The following PARM1 variants were observed in gnomAD, a reference collection of about 807,000 sequenced individuals.
PARM1 encodes the protein WSC4, cell wall integrity and stress response component 4 homolog.
Under a neutral mutation model 24.6 loss-of-function variants are expected in PARM1, and 14 were observed. The ratio of observed to expected loss-of-function variants is 0.57; its 90% CI spans 0.38 to 0.89. PARM1 has a LOEUF of 0.89. Ranked by LOEUF, PARM1 falls within the 40% of genes least tolerant of loss-of-function variation. The pLI, the probability that PARM1 is intolerant of heterozygous loss-of-function variation, is 0.00. For missense variants in PARM1, 362 were observed against 380.4 expected, an observed-to-expected ratio of 0.95 and a Z score of 0.40; for synonymous variants, 179 against 156.6, an observed-to-expected ratio of 1.14 and a Z score of -1.07.
chr4:74,946,764 T>G (rs767646411), intron 1 of PARM1, among the ~76,000 whole-genome samples: 16 of 152,156 alleles, frequency 1.1e-4, no homozygotes, highest in Non-Finnish European at 1.9e-4. Flanking sequence ...TGAAACACAT[T>G]AAATACGTTT....
chr4:75,033,964 G>A lies in PARM1; in HGVS notation c.848+3G>A, dbSNP rs1440358228. The A allele has an allele frequency of 1.3e-6, 2 of 1,593,556 alleles. No homozygotes were observed. The highest frequency in any genetic ancestry group is 1.1e-5 in the South Asian group (1 of 87,386). ...GTTGCAGCCTACCTAAAAATCAGGT[G>A]AGACGCAGCTTACTCTTAAAAAAAA... On this transcript the variant is annotated splice_donor_region_variant and intron_variant, in intron 3 of 3. Transcript: ENST00000307428.
intron 1 of PARM1, among the ~76,000 whole-genome samples, chr4:74,996,118 C>G (rs1401879672): frequency 6.6e-6 from 1 of 152,152 alleles, no homozygotes; most frequent in Non-Finnish European, 1.5e-5. Context: ...TGAGAGGTCA[C>G]TTCCCTTTGA....
At chr4:75,024,145 GC>G (rs1723137612) in intron 2 of PARM1, among the ~76,000 whole-genome samples, 1 of 151,980 alleles carries the variant, frequency 6.6e-6, no homozygotes, top group African/African-American at 2.4e-5. Flanking sequence ...GGTAGCGGGC[GC>G]CTGTAGTCCC....
chr4:74,962,209 A>G (rs867886320), intron 1 of PARM1, among the ~76,000 whole-genome samples: 1 of 152,176 alleles, frequency 6.6e-6, no homozygotes, highest in Non-Finnish European at 1.5e-5. Flanking sequence ...ATGTTATTGA[A>G]GTTAAGATGT....
At chr4:74,968,950 A>G (rs1427217960) in intron 1 of PARM1, among the ~76,000 whole-genome samples, 1 of 152,226 alleles carries the variant, frequency 6.6e-6, no homozygotes, top group African/African-American at 2.4e-5. Context: ...TTTGAAAGAC[A>G]GGCTTTGAAA....
At chr4:74,990,767 G>A (rs944040611) in intron 1 of PARM1, among the ~76,000 whole-genome samples, 5 of 152,080 alleles carry the variant, frequency 3.3e-5, no homozygotes, top group Non-Finnish European at 7.4e-5. Context: ...TTTCACTTGA[G>A]TTCACCTTTA....
At chr4:74,971,327 G>A (rs951143240) in intron 1 of PARM1, among the ~76,000 whole-genome samples, 3 of 152,104 alleles carry the variant, frequency 2.0e-5, no homozygotes, top group African/African-American at 4.8e-5. Context: ...AGAACAGCAC[G>A]GGAAAAACCT....
chr4:74,935,717 A>C (rs778514519), intron 1 of PARM1, among the ~76,000 whole-genome samples: 13 of 152,162 alleles, frequency 8.5e-5, no homozygotes, highest in Non-Finnish European at 1.8e-4. Flanking sequence ...TGGCTCAACA[A>C]ATCCTCTCAA....
At chr4:74,999,898 A>G (rs902737010) in intron 1 of PARM1, among the ~76,000 whole-genome samples, 1 of 152,084 alleles carries the variant, frequency 6.6e-6, no homozygotes, top group South Asian at 2.1e-4. Context: ...ACTGCCCCAG[A>G]AGTTTCTGGA....
At chr4:74,939,144 A>T (rs1169833141) in intron 1 of PARM1, among the ~76,000 whole-genome samples, 4 of 152,142 alleles carry the variant, frequency 2.6e-5, no homozygotes, top group Non-Finnish European at 5.9e-5. Flanking sequence ...TTGGCCTTTC[A>T]TCTGCAGTTC....
intron 1 of PARM1, among the ~76,000 whole-genome samples, chr4:75,002,540 G>A (rs1722701636): frequency 6.6e-6 from 1 of 152,112 alleles, no homozygotes; most frequent in Non-Finnish European, 1.5e-5. Flanking sequence ...GCCAGTGTGT[G>A]TGACCTGCAG....
intron 1 of PARM1, among the ~76,000 whole-genome samples, chr4:74,989,568 C>T (rs1020916046): frequency 2.6e-5 from 4 of 152,180 alleles, no homozygotes; most frequent in African/African-American, 9.7e-5. Context: ...GGTCCTCAAA[C>T]CTGTTCCTTT....
At chr4:74,947,659 T>A (rs1560772324) in intron 1 of PARM1, among the ~76,000 whole-genome samples, 1 of 152,324 alleles carries the variant, frequency 6.6e-6, no homozygotes, top group East Asian at 1.9e-4. Flanking sequence ...ATAGAAGAAA[T>A]GCTATGATGC....
chr4:74,949,105 T>C (rs528248116), intron 1 of PARM1, among the ~76,000 whole-genome samples: 1 of 152,260 alleles, frequency 6.6e-6, no homozygotes, highest in East Asian at 1.9e-4. Flanking sequence ...CAATCATCAT[T>C]ACCTGAACAT....
At position 75,012,902 on chromosome 4, in the gene PARM1, C is replaced by T. The variant is rs1225743312; in HGVS notation, c.521C>T (p.Thr174Ile). 1.9e-6 allele frequency: 3 copies of T among 1,614,008 alleles called. No homozygotes were observed. Among genetic ancestry groups the T allele is most frequent in the Non-Finnish European group, 2.5e-6 (3 of 1,179,896 alleles). ...CCTGAGGTCTTTTCTGCCTCCGTTA[C>T]TACCAACCATAGCTCCACTGTGACC... is the stretch of plus-strand genomic sequence containing the variant. ...SPPEVFSASV[T>I]TNHSSTVTST... Residue 174 changes from threonine to isoleucine, a missense_variant, in exon 2 of 4, where the codon ACT (threonine) becomes ATT (isoleucine). Coordinates refer to ENST00000307428, the MANE Select transcript of PARM1 (RefSeq NM_015393.4).
chr4:74,992,045 G>T (rs951397166), intron 1 of PARM1, among the ~76,000 whole-genome samples: 2 of 152,084 alleles, frequency 1.3e-5, no homozygotes, highest in Non-Finnish European at 2.9e-5. Context: ...TATTACAAAG[G>T]ATACAGATGA....
intron 2 of PARM1, among the ~76,000 whole-genome samples, chr4:75,027,528 T>C (rs949342023): frequency 3.3e-5 from 5 of 152,054 alleles, no homozygotes; most frequent in African/African-American, 9.7e-5. Flanking sequence ...CTTTTCTCAC[T>C]TTCTCTCCAT....
At chr4:75,024,903 C>T (rs1031663896) in intron 2 of PARM1, among the ~76,000 whole-genome samples, 3 of 152,170 alleles carry the variant, frequency 2.0e-5, no homozygotes, top group African/African-American at 7.2e-5. Context: ...CCATGTTGGC[C>T]AGGTTGGTCT....
intron 1 of PARM1, among the ~76,000 whole-genome samples, chr4:74,996,432 C>T (rs1722577854): frequency 6.6e-6 from 1 of 152,162 alleles, no homozygotes; most frequent in South Asian, 2.1e-4. Context: ...TCTTCAAATA[C>T]ATTAAACCTG....
Sources: gnomAD v4.1 joint callset for allele counts (sites outside exome capture counted in the v4.1 genomes callset) on GRCh38, gnomAD v4.1.1 for gene constraint, MANE v1.5 for transcripts, NCBI Gene and HGNC (gene_info 2026-07-23, HGNC 2026-07-21) for gene names.